AZI2: variants seen among roughly 807,000 people sequenced by gnomAD.
The protein encoded by AZI2 is 5-azacytidine-induced protein 2.
In AZI2, 22 loss-of-function variants were observed where a neutral mutation model predicts 45.8. The observed-to-expected ratio is 0.48, with a 90% CI of 0.34 to 0.69. The LOEUF (loss-of-function observed/expected upper bound fraction) is 0.69, where lower values mean the gene tolerates loss of function less well. Ranked by LOEUF, AZI2 falls within the 30% of genes least tolerant of loss-of-function variation. The pLI is 0.01. For missense variants in AZI2, 417 were observed against 441.5 expected (o/e 0.94, Z 0.50); for synonymous variants, 137 against 156.7 (o/e 0.87, Z 0.94).
chr3:28,346,769 T>C (rs1270421781), intron 1 of AZI2, among the ~76,000 whole-genome samples: 1 of 152,202 alleles, frequency 6.6e-6, no homozygotes, highest in African/African-American at 2.4e-5. Context: ...TTTCTCAATT[T>C]GTAAAATAGC....
intron 1 of AZI2, among the ~76,000 whole-genome samples, chr3:28,345,957 G>A (rs1207175920): frequency 6.6e-6 from 1 of 151,996 alleles, no homozygotes; most frequent in Non-Finnish European, 1.5e-5. Context: ...CCAGTCACTA[G>A]TGCTTTCACA....
chr3:28,338,634 A>T lies in AZI2; in HGVS notation c.217-19T>A. 1 of 1,602,520 alleles carries T rather than the reference A, an allele frequency of 6.2e-7. No homozygotes were observed. Among genetic ancestry groups the T allele is most frequent in the Non-Finnish European group, 8.5e-7 (1 of 1,174,486 alleles). ...CTATTAGCTAACGGTATGAAATTAG[A>T]AGAGAAAGCTTAAGAGAGTATTCTA... is the stretch of plus-strand genomic sequence containing the variant. On this transcript the variant is annotated intron_variant, in intron 2 of 7. Transcript: ENST00000479665.
intron 6 of AZI2, among the ~76,000 whole-genome samples, chr3:28,330,019 T>C (rs1159489302): frequency 6.6e-6 from 1 of 151,226 alleles, no homozygotes; most frequent in African/African-American, 2.4e-5. Flanking sequence ...TTTTTTTTTC[T>C]AAACCTGGAA....
At chr3:28,327,899 G>T (rs558956589) in intron 6 of AZI2, among the ~76,000 whole-genome samples, 1 of 150,278 alleles carries the variant, frequency 6.7e-6, no homozygotes, top group Non-Finnish European at 1.5e-5. Flanking sequence ...AATTTTAATA[G>T]TACAGAAATC....
intron 1 of AZI2, among the ~76,000 whole-genome samples, chr3:28,342,735 ACACACACAC>A (rs1704073318): frequency 6.6e-6 from 1 of 151,654 alleles, no homozygotes; most frequent in Non-Finnish European, 1.5e-5. Context: ...ACACACACAC[ACACACACAC>A]ACACTCCCCT....
chr3:28,331,146 C>T (rs1277607079), intron 6 of AZI2, among the ~76,000 whole-genome samples: 1 of 151,282 alleles, frequency 6.6e-6, no homozygotes, highest in East Asian at 1.9e-4. Flanking sequence ...AGCAGAAATT[C>T]CATTCTATAT....
Position 28,323,985 on chromosome 3 carries a change from G to T in AZI2, c.*57C>A. 2 of 1,495,358 alleles carry T rather than the reference G, an allele frequency of 1.3e-6. No homozygotes were observed. Among genetic ancestry groups the T allele is most frequent in the South Asian group, 2.6e-5 (2 of 76,144 alleles). 92.6% of individuals were successfully genotyped at this position (1,495,358 alleles called of 1,614,324 possible). ...TTTCAGTTTGTTAAATAATTTCTTG[G>T]GAGGACCACTGAAAGAGATAAGTGT... On this transcript the variant is annotated 3_prime_UTR_variant, in exon 8 of 8. Transcript: ENST00000479665.
chr3:28,340,620 C>A lies in AZI2; in HGVS notation c.-3G>T. 1 of 1,587,514 alleles carries A rather than the reference C, an allele frequency of 6.3e-7. No homozygotes were observed. The highest frequency in any genetic ancestry group is 1.2e-5 in the South Asian group (1 of 85,290). Reference sequence around the variant, plus strand: ...TCATCTTCTACCAGTGCATCCATGACAACTGTTTAAAAGAAAAAAAATATG... The same window carrying A: ...TCATCTTCTACCAGTGCATCCATGAAAACTGTTTAAAAGAAAAAAAATATG... On this transcript the variant is annotated splice_region_variant and 5_prime_UTR_variant, in exon 2 of 8. Transcript: ENST00000479665.
rs776285249 is a variant in AZI2, at chr3:28,338,582, C to A, written c.250G>T (p.Val84Leu). 1 of 1,610,004 alleles carries A rather than the reference C, an allele frequency of 6.2e-7. No individual in the cohort carries two copies. Among genetic ancestry groups the A allele is most frequent in the Non-Finnish European group, 8.5e-7 (1 of 1,177,812 alleles). Residue 84 changes from valine (V) to leucine (L), a missense_variant, in exon 3 of 8, where the codon GTG (valine) becomes TTG (leucine). Physicochemically the swap from Val to Leu is conservative, Grantham distance 32. Transcript: ENST00000479665. ...GCCTTATTTACTTGTTCTCGTCCCA[C>A]GGAACTTGTTTCTTCTTCAAATCGA... ...IARFEEETSS[V>L]GREQVNKAYH... is the part of the protein sequence containing the mutation.
chr3:28,345,726 T>C (rs1704199257), intron 1 of AZI2, among the ~76,000 whole-genome samples: 1 of 152,098 alleles, frequency 6.6e-6, no homozygotes. Flanking sequence ...GATCTTAAAT[T>C]TCAGTCTTCA....
intron 6 of AZI2, among the ~76,000 whole-genome samples, chr3:28,327,260 A>G (rs1401488729): frequency 6.6e-6 from 1 of 151,140 alleles, no homozygotes; most frequent in Non-Finnish European, 1.5e-5. Flanking sequence ...TGTAATGTGC[A>G]GCTATTAATT....
At chr3:28,324,821 T>C (rs1703322815) in intron 7 of AZI2, 1 of 161,152 alleles carries the variant, frequency 6.2e-6, no homozygotes, top group Non-Finnish European at 1.3e-5. Flanking sequence ...ATCCTGTTCT[T>C]GGCTCTTATT....
Position 28,332,441 on chromosome 3 carries a change from A to G in AZI2, c.589-14T>C, listed in dbSNP as rs767871424. The G allele has an allele frequency of 6.3e-7, 1 of 1,594,982 alleles. No homozygotes were observed. Among genetic ancestry groups the G allele is most frequent in the Non-Finnish European group, 8.6e-7 (1 of 1,166,608 alleles). On this transcript the variant is annotated splice_polypyrimidine_tract_variant and intron_variant, in intron 5 of 7. Transcript: ENST00000479665. Reference sequence around the variant, plus strand: ...CTGATATGGATCCTGTCATTTGTTTAAAAAAAAGAAGTTTAAAAGTTGTAA... The same window carrying G: ...CTGATATGGATCCTGTCATTTGTTTGAAAAAAAGAAGTTTAAAAGTTGTAA...
intron 1 of AZI2, among the ~76,000 whole-genome samples, chr3:28,342,246 G>A (rs1704045601): frequency 6.6e-6 from 1 of 151,944 alleles, no homozygotes. Flanking sequence ...AAGAAAGGCA[G>A]GTTAAAATAA....
chr3:28,332,529 A>AT (rs1703623227), intron 5 of AZI2, 102 bp from the exon 6 acceptor site: 1 of 899,866 alleles, frequency 1.1e-6, no homozygotes, highest in Admixed American at 2.2e-5. Flanking sequence ...TTTACAGAAT[A>AT]TATCTGTAAG....
chr3:28,330,928 C>T (rs533292928), intron 6 of AZI2, among the ~76,000 whole-genome samples: 3 of 151,416 alleles, frequency 2.0e-5, no homozygotes, highest in Non-Finnish European at 3.0e-5. Flanking sequence ...TAAAGAATTG[C>T]GAGACTATAC....
chr3:28,338,976 TACTTG>T (rs1188672940), intron 2 of AZI2, among the ~76,000 whole-genome samples: 2 of 151,916 alleles, frequency 1.3e-5, no homozygotes, highest in Middle Eastern at 3.2e-3. Context: ...CCTTAGGGCA[TACTTG>T]ACTTTTTTTT....
chr3:28,326,793 T>C, intron 7 of AZI2, 39 bp downstream of exon 7: 1 of 1,452,582 alleles, frequency 6.9e-7, no homozygotes, highest in Non-Finnish European at 9.7e-7. Context: ...TTCAGGCAGT[T>C]TGGCTGGAAT....
chr3:28,338,160 C>G (rs73825132), intron 3 of AZI2, 124 bp from the exon 4 acceptor site: 5,691 of 504,810 alleles, frequency 0.011, 197 homozygotes, highest in African/African-American at 0.085. Context: ...ACAAAATGAA[C>G]TCAGTTTCTC....
Sources: allele counts gnomAD v4.1 joint callset (sites outside exome capture counted in the v4.1 genomes callset), GRCh38; gene constraint gnomAD v4.1.1; transcripts MANE v1.5; gene names NCBI Gene and HGNC (gene_info 2026-07-23, HGNC 2026-07-21).